Variants in ACAD9 observed in about 807,000 individuals in gnomAD.
ACAD9 encodes the protein complex I assembly factor ACAD9, mitochondrial.
A neutral mutation model predicts 70.2 loss-of-function variants in ACAD9; 53 were observed. The ratio of observed to expected loss-of-function variants is 0.75; its 90% CI spans 0.61 to 0.95. ACAD9 has a LOEUF of 0.95. ACAD9 is among the 40% of genes least tolerant of loss of function. The pLI, the probability that ACAD9 is intolerant of heterozygous loss-of-function variation, is 0.00. For synonymous variants in ACAD9, 313 were observed against 312.1 expected (o/e 1.00, Z -0.03); for missense variants, 777 against 802.8 (o/e 0.97, Z 0.39).
intron 8 of ACAD9, among the ~76,000 whole-genome samples, 175 bp downstream of exon 8, chr3:128,901,524 A>G (rs183568270): frequency 6.6e-6 from 1 of 152,326 alleles, no homozygotes; most frequent in East Asian, 1.9e-4. Flanking sequence ...GCTGGCTCCT[A>G]GAAGAAGTGT....
At chr3:128,894,300 A>G (rs62268190) in intron 3 of ACAD9, among the ~76,000 whole-genome samples, 7,626 of 152,248 alleles carry the variant, frequency 0.05, 392 homozygotes, top group African/African-American at 0.13. Flanking sequence ...CCACAGTGGA[A>G]AAGCTCTGTC....
Position 128,908,220 on chromosome 3 carries a change from G to T in ACAD9, c.1314G>T (p.Leu438=), listed in dbSNP as rs760301128. 1 of 1,614,170 alleles carries T rather than the reference G, an allele frequency of 6.2e-7. No homozygotes were observed. The highest frequency in any genetic ancestry group is 8.5e-7 in the Non-Finnish European group (1 of 1,180,028). Reference sequence around the variant, plus strand: ...AGATTCTCCGGATGTACATCGCCCTGACGGGTCTGCAGCATGCCGGCCGCA... The same window carrying T: ...AGATTCTCCGGATGTACATCGCCCTTACGGGTCTGCAGCATGCCGGCCGCA... The part of the protein sequence containing the change: ...TNEILRMYIA[L]TGLQHAGRIL... Residue 438 remains leucine (L), a synonymous_variant, in exon 13 of 18, where the codon CTG becomes CTT. Coordinates refer to ENST00000308982, the MANE Select transcript of ACAD9 (RefSeq NM_014049.5).
chr3:128,893,654 A>G lies in ACAD9; in HGVS notation c.344A>G (p.Tyr115Cys), dbSNP rs1935484610. The G allele has an allele frequency of 6.2e-7, 1 of 1,613,388 alleles. No homozygotes were observed. The highest frequency in any genetic ancestry group is 1.7e-5 in the Admixed American group (1 of 60,006). ...TTTGGGCTGCAAGTCCCAGAAGAAT[A>G]TGGTAAGTCAAGCAAACAAGCACCC... ...GLFGLQVPEE[Y>C]GGLGFSNTMY... The change falls in exon 3 of 18, where the codon TAT (tyrosine) becomes TGT (cysteine). Residue 115 changes from tyrosine to cysteine, a missense_variant and splice_region_variant. Coordinates refer to ENST00000308982, the MANE Select transcript of ACAD9 (RefSeq NM_014049.5).
intron 7 of ACAD9, 114 bp from the exon 8 acceptor site, chr3:128,901,162 C>A: frequency 1.0e-6 from 1 of 976,636 alleles, no homozygotes; most frequent in Non-Finnish European, 1.6e-6. Context: ...CTATACTGTC[C>A]TACCAAACAT....
chr3:128,882,455 T>C (rs1274959983), intron 1 of ACAD9, among the ~76,000 whole-genome samples: 1 of 152,226 alleles, frequency 6.6e-6, no homozygotes, highest in Non-Finnish European at 1.5e-5. Flanking sequence ...CTGACCACTT[T>C]TAGGCCCTTC....
Position 128,902,579 on chromosome 3 carries a change from C to A in ACAD9, c.909C>A (p.Gly303=), listed in dbSNP as rs372649086. 1 of 1,614,072 alleles carries A rather than the reference C, an allele frequency of 6.2e-7. No individual in the cohort carries two copies. Among genetic ancestry groups the A allele is most frequent in the African/African-American group, 1.3e-5 (1 of 74,922 alleles). ...FKVAMNILNS[G]RFSMGSVVAG... The stretch of plus-strand genomic sequence containing the variant: ...TGGCCATGAACATCCTCAACAGCGG[C>A]CGGTTCAGCATGGGCAGCGTCGTGG... Residue 303 remains glycine (G), a synonymous_variant, in exon 9 of 18, where the codon GGC becomes GGA. Coordinates refer to ENST00000308982, the MANE Select transcript of ACAD9 (RefSeq NM_014049.5). This position sits in a 1 kb window ranked among gnomAD's most constrained non-coding sequence, Gnocchi z 4.0.
chr3:128,891,621 G>A (rs1324763931), intron 2 of ACAD9, among the ~76,000 whole-genome samples: 2 of 152,020 alleles, frequency 1.3e-5, no homozygotes, highest in Non-Finnish European at 2.9e-5. Context: ...ACTCCATCTC[G>A]AAAAGAAAAA....
intron 1 of ACAD9, among the ~76,000 whole-genome samples, chr3:128,881,386 G>A (rs789225): frequency 0.45 from 67,613 of 151,804 alleles, 18,125 homozygotes; most frequent in African/African-American, 0.75. Flanking sequence ...CCATGCAGTC[G>A]GATGAGAAGT....
rs1426735712 is a variant in ACAD9, at chr3:128,902,141, C to T, written c.883-412C>T. ...ACATTGGGGTTGTTACCGCTTTTGG[C>T]TGCTATCAGTAATGCTACTTATGAA... On this transcript the variant is annotated intron_variant, in intron 8 of 17. Coordinates refer to ENST00000308982, the MANE Select transcript of ACAD9 (RefSeq NM_014049.5). This position sits in a 1 kb window ranked among gnomAD's most constrained non-coding sequence, Gnocchi z 4.0. Among the ~76,000 whole-genome samples the T allele has an allele frequency of 6.6e-6, 1 of 152,224 alleles. No homozygotes were observed. The highest frequency in any genetic ancestry group is 1.5e-5 in the Non-Finnish European group (1 of 68,034).
At position 128,902,483 on chromosome 3, in the gene ACAD9, C is replaced by A. The variant is rs774170419; in HGVS notation, c.883-70C>A. ...AGGGAAGGCAAGCTGATCCACCTGG[C>A]CTGGTTTCGTTGCGGCCTCCTCCCT... On this transcript the variant is annotated intron_variant, in intron 8 of 17. Coordinates refer to ENST00000308982, the MANE Select transcript of ACAD9 (RefSeq NM_014049.5). The surrounding 1 kb of genome is among the most constrained non-coding windows in gnomAD (Gnocchi z 4.0). 67 of 1,513,220 alleles carry A rather than the reference C, an allele frequency of 4.4e-5. No individual in the cohort carries two copies. The highest frequency in any genetic ancestry group is 1.7e-4 in the Middle Eastern group (1 of 5,892). The allele number at this position is 1,513,220 out of a possible 1,614,324, so 93.7% of individuals were successfully genotyped here.
intron 2 of ACAD9, among the ~76,000 whole-genome samples, chr3:128,885,798 C>A (rs1935226828): frequency 1.3e-5 from 2 of 152,090 alleles, no homozygotes; most frequent in Non-Finnish European, 2.9e-5. Context: ...GGACAGATCA[C>A]CTGAGGTCTG....
Position 128,909,033 on chromosome 3 carries a change from C to T in ACAD9, c.1419C>T (p.Asp473=). 6.2e-7 allele frequency: 1 copy of T among 1,614,160 alleles called. No homozygotes were observed. Among genetic ancestry groups the T allele is most frequent in the Non-Finnish European group, 8.5e-7 (1 of 1,180,036 alleles). The change falls in exon 14 of 18, where the codon GAC becomes GAT. Residue 473 remains aspartate, a synonymous_variant. Transcript: ENST00000308982. The part of the protein sequence containing the change: ...VMDTVGRRLR[D]SLGRTVDLGL... Reference sequence around the variant, plus strand: ...ATACCGTTGGCCGGAGGCTTCGGGACTCCCTGGGCCGAACTGTGGACCTGG... The same window carrying T: ...ATACCGTTGGCCGGAGGCTTCGGGATTCCCTGGGCCGAACTGTGGACCTGG...
chr3:128,879,982 ATTCCTGAGTTCC>A, intron 1 of ACAD9, 141 bp downstream of exon 1: 1 of 1,554,942 alleles, frequency 6.4e-7, no homozygotes, highest in Non-Finnish European at 8.7e-7. Context: ...AACACTCCGG[ATTCCTGAGTTCC>A]AGGAAAACCT....
intron 16 of ACAD9, chr3:128,910,427 A>G: frequency 7.7e-7 from 1 of 1,298,952 alleles, no homozygotes; most frequent in Non-Finnish European, 1.0e-6. Context: ...GCTGTGCTGG[A>G]GGGAGGCGGG....
At chr3:128,900,047 T>C (rs1935690768) in intron 7 of ACAD9, among the ~76,000 whole-genome samples, 1 of 152,248 alleles carries the variant, frequency 6.6e-6, no homozygotes, top group South Asian at 2.1e-4. Flanking sequence ...TTCTCCTGTC[T>C]CAGCCTCCCA....
chr3:128,885,668 C>T (rs937468463), intron 2 of ACAD9, among the ~76,000 whole-genome samples: 4 of 151,974 alleles, frequency 2.6e-5, no homozygotes, highest in Non-Finnish European at 5.9e-5. Flanking sequence ...GCTGGGATTA[C>T]AGGTGTGAGC....
Position 128,901,310 on chromosome 3 carries a change from T to C in ACAD9, c.843T>C (p.Pro281=), listed in dbSNP as rs890617682. The C allele has an allele frequency of 1.9e-6, 3 of 1,614,158 alleles. No individual in the cohort carries two copies. In the African/African-American group the frequency reaches 4.0e-5, roughly 22 times the overall value. ...CEVHFENTKI[P]VENILGEVGD... is the part of the protein sequence containing the mutation. Reference sequence around the variant, plus strand: ...TCCATTTTGAAAACACCAAGATACCTGTGGAAAACATCCTTGGAGAGGTCG... The same window carrying C: ...TCCATTTTGAAAACACCAAGATACCCGTGGAAAACATCCTTGGAGAGGTCG... The change falls in exon 8 of 18, where the codon CCT becomes CCC. Residue 281 remains proline, a synonymous_variant. Transcript: ENST00000308982.
chr3:128,906,132 C>A lies in ACAD9; in HGVS notation c.1161C>A (p.Ser387=), dbSNP rs754678565. ...IEAAMVKVFS[S]EAAWQCVSEA... ...GTGACACCCCACAGGTGTTCAGCTC[C>A]GAGGCCGCCTGGCAGTGTGTGAGTG... The change falls in exon 12 of 18, where the codon TCC becomes TCA. Residue 387 remains serine, a synonymous_variant. Transcript: ENST00000308982. 1 of 1,614,068 alleles carries A rather than the reference C, an allele frequency of 6.2e-7. No individual in the cohort carries two copies. Among genetic ancestry groups the A allele is most frequent in the Non-Finnish European group, 8.5e-7 (1 of 1,180,040 alleles).
At chr3:128,896,361 A>G (rs1018705080) in intron 4 of ACAD9, 75 bp from the exon 5 acceptor site, 7 of 1,447,710 alleles carry the variant, frequency 4.8e-6, no homozygotes, top group Non-Finnish European at 4.8e-6. Context: ...TGCCTCAGAA[A>G]GGAAATGTTT....
Sources: gnomAD v4.1 joint callset for allele counts (sites outside exome capture counted in the v4.1 genomes callset) on GRCh38, gnomAD v4.1.1 for gene constraint, Gnocchi (gnomAD v3.1) non-coding constraint, MANE v1.5 for transcripts, NCBI Gene and HGNC (gene_info 2026-07-23, HGNC 2026-07-21) for gene names.